Variants in AGR3 observed in about 807,000 individuals in gnomAD.
The protein encoded by AGR3 is anterior gradient 3, protein disulphide isomerase family member.
A neutral mutation model predicts 24.5 loss-of-function variants in AGR3; 37 were observed. That is an observed-to-expected ratio of 1.51 (90% CI 1.16 to 1.99). AGR3 has a LOEUF of 1.99. Ranked by LOEUF, AGR3 falls within the 30% of genes most tolerant of loss-of-function variation. The probability of loss-of-function intolerance (pLI) is 0.00; values close to 1 mark genes in which losing one functional copy is unlikely to be tolerated. For synonymous variants in AGR3, 75 were observed against 61.6 expected (o/e 1.22, Z -1.02); for missense variants, 228 against 191.1 (o/e 1.19, Z -1.14).
At chr7:16,865,121 G>C in intron 3 of AGR3, 1 of 736,296 alleles carries the variant, frequency 1.4e-6, no homozygotes, top group East Asian at 2.4e-5. Flanking sequence ...AAGCTCGGAA[G>C]AGAAACAGAG....
At chr7:16,876,045 A>C (rs111886351) in intron 2 of AGR3, among the ~76,000 whole-genome samples, 6 of 152,320 alleles carry the variant, frequency 3.9e-5, no homozygotes, top group African/African-American at 1.2e-4. Flanking sequence ...TAGTTCCACA[A>C]ACAGTAAAGG....
At chr7:16,877,987 C>T (rs1042445726) in intron 2 of AGR3, among the ~76,000 whole-genome samples, 12 of 152,036 alleles carry the variant, frequency 7.9e-5, no homozygotes, top group African/African-American at 2.7e-4. Context: ...ATGTAGCCAC[C>T]GGCAATCCTT....
intron 3 of AGR3, chr7:16,865,275 G>T: frequency 9.9e-7 from 1 of 1,011,306 alleles, no homozygotes; most frequent in South Asian, 1.4e-5. Context: ...TTCTCCTTTT[G>T]AAGAAGAAAT....
intron 2 of AGR3, among the ~76,000 whole-genome samples, chr7:16,874,424 A>G (rs1213180895): frequency 6.6e-6 from 1 of 152,166 alleles, no homozygotes; most frequent in African/African-American, 2.4e-5. Flanking sequence ...GAGAGAAAAA[A>G]CAGAAAGCAA....
rs1238145558 is a variant in AGR3, at chr7:16,864,847, G to A, written c.174-2185C>T. 4.6e-6 allele frequency: 4 copies of A among 869,118 alleles called. No homozygotes were observed. In the African/African-American group the frequency reaches 4.9e-5, roughly 11 times the overall value. The allele number at this position is 869,118 out of a possible 1,614,324, so 53.8% of individuals were successfully genotyped here. A position where few individuals can be genotyped will look rare whatever the true frequency, so the allele number is the denominator to read the frequency against. On this transcript the variant is annotated intron_variant, in intron 3 of 7. Transcript: ENST00000310398. ...AGATGTCCTATATTTCCTGAGTAAA[G>A]AGCGTGTATTCCAGTCACCACTGAG... is the stretch of plus-strand genomic sequence containing the variant.
chr7:16,864,730 G>T (rs761805189), intron 3 of AGR3: 179 of 1,461,500 alleles, frequency 1.2e-4, no homozygotes, highest in Non-Finnish European at 1.6e-4. Flanking sequence ...AAACCACTGC[G>T]GTGTGTGCGA....
chr7:16,879,793 T>G (rs1347264796), intron 1 of AGR3, among the ~76,000 whole-genome samples: 1 of 152,244 alleles, frequency 6.6e-6, no homozygotes, highest in Non-Finnish European at 1.5e-5. Context: ...GTTTTGGCAT[T>G]GGTAAAACAT....
chr7:16,862,776 G>C (rs1781675065), intron 3 of AGR3, 114 bp from the exon 4 acceptor site: 1 of 690,206 alleles, frequency 1.4e-6, no homozygotes, highest in Non-Finnish European at 2.4e-6. Flanking sequence ...AGTAATCTCA[G>C]ATTTACAAAT....
intron 3 of AGR3, 42 bp downstream of exon 3, chr7:16,873,738 A>G: frequency 7.1e-7 from 1 of 1,405,192 alleles, no homozygotes; most frequent in Non-Finnish European, 1.0e-6. Context: ...TTATGAGTCT[A>G]CTACAAATAA....
chr7:16,862,301 T>C (rs1781665866), intron 4 of AGR3, among the ~76,000 whole-genome samples: 1 of 152,210 alleles, frequency 6.6e-6, no homozygotes, highest in African/African-American at 2.4e-5. Context: ...TTTATGTAAC[T>C]CATTGACTCA....
chr7:16,860,211 A>G (rs182196810), intron 7 of AGR3, among the ~76,000 whole-genome samples: 2 of 152,334 alleles, frequency 1.3e-5, no homozygotes, highest in East Asian at 1.9e-4. Context: ...GATCTTTGAT[A>G]CTAGGAGAAT....
chr7:16,874,298 A>G (rs940941071), intron 2 of AGR3, among the ~76,000 whole-genome samples: 3 of 152,168 alleles, frequency 2.0e-5, no homozygotes, highest in Non-Finnish European at 4.4e-5. Context: ...ACGTTGTGAA[A>G]TAAGGGAATT....
At chr7:16,877,278 G>GATATATATTATATATAATATATAGT (rs1463208455) in intron 2 of AGR3, among the ~76,000 whole-genome samples, 63 of 133,552 alleles carry the variant, frequency 4.7e-4, no homozygotes, top group African/African-American at 1.6e-3. Flanking sequence ...TGTATACTAT[G>GATATATATTATATATAATATATAGT]ATATATATTA....
At position 16,864,727 on chromosome 7, in the gene AGR3, T is replaced by C. The variant is rs751476953; in HGVS notation, c.174-2065A>G. 3.4e-6 allele frequency: 5 copies of C among 1,475,226 alleles called. No individual in the cohort carries two copies. In the African/African-American group the frequency reaches 4.2e-5, roughly 12 times the overall value. 91.4% of individuals were successfully genotyped at this position (1,475,226 alleles called of 1,614,324 possible). A position where few individuals can be genotyped will look rare whatever the true frequency, so the allele number is the denominator to read the frequency against. Reference sequence around the variant, plus strand: ...ATACTTTTTATGTATTAGAAACCACTGCGGTGTGTGCGAGGGTCAAAAACT... The same window carrying C: ...ATACTTTTTATGTATTAGAAACCACCGCGGTGTGTGCGAGGGTCAAAAACT... On this transcript the variant is annotated intron_variant, in intron 3 of 7. Coordinates refer to ENST00000310398, the MANE Select transcript of AGR3 (RefSeq NM_176813.5).
chr7:16,865,455 A>T, intron 3 of AGR3: 1 of 803,980 alleles, frequency 1.2e-6, no homozygotes, highest in Non-Finnish European at 2.2e-6. Flanking sequence ...GTTGAAACTA[A>T]TATTTGAGGT....
intron 3 of AGR3, among the ~76,000 whole-genome samples, chr7:16,863,522 A>T (rs1781689450): frequency 6.6e-6 from 1 of 152,050 alleles, no homozygotes; most frequent in Non-Finnish European, 1.5e-5. Flanking sequence ...ACTATGCTGT[A>T]TTACTTTTTC....
chr7:16,857,891 CATATA>C (rs1344683479), downstream of AGR3, among the ~76,000 whole-genome samples: 1 of 151,932 alleles, frequency 6.6e-6, no homozygotes, highest in African/African-American at 2.4e-5. Context: ...ATATCTATCT[CATATA>C]AAAGTATAGT....
chr7:16,864,206 C>G, intron 3 of AGR3: 1 of 1,011,462 alleles, frequency 9.9e-7, no homozygotes. Context: ...TGCTGAAGTA[C>G]CACTGAATGA....
At chr7:16,872,129 A>G (rs1265893938) in intron 3 of AGR3, among the ~76,000 whole-genome samples, 1 of 152,160 alleles carries the variant, frequency 6.6e-6, no homozygotes, top group Non-Finnish European at 1.5e-5. Context: ...TAGAACCACA[A>G]CAGACTCCAA....
Sources: allele counts gnomAD v4.1 joint callset (sites outside exome capture counted in the v4.1 genomes callset), GRCh38; gene constraint gnomAD v4.1.1; transcripts MANE v1.5; gene names NCBI Gene and HGNC (gene_info 2026-07-23, HGNC 2026-07-21).